KLHL31: variants seen among roughly 807,000 people sequenced by gnomAD.
The protein encoded by KLHL31 is kelch like family member 31.
Under a neutral mutation model 47.1 loss-of-function variants are expected in KLHL31, and 32 were observed. The observed-to-expected ratio is 0.68, with a 90% CI of 0.51 to 0.91. KLHL31 has a LOEUF of 0.91. Ranked by LOEUF, KLHL31 falls within the 40% of genes least tolerant of loss-of-function variation. The pLI is 0.00. For synonymous variants in KLHL31, 330 were observed against 325.1 expected, an observed-to-expected ratio of 1.01 and a Z score of -0.16; for missense variants, 797 against 819.3, an observed-to-expected ratio of 0.97 and a Z score of 0.33.
chr6:53,652,236 C>T lies in KLHL31; in HGVS notation c.1267G>A (p.Ala423Thr). 1 of 1,613,930 alleles carries T rather than the reference C, an allele frequency of 6.2e-7. No individual in the cohort carries two copies. Among genetic ancestry groups the T allele is most frequent in the Non-Finnish European group, 8.5e-7 (1 of 1,180,032 alleles). Residue 423 changes from alanine (A) to threonine (T), a missense_variant, in exon 3 of 3, where the codon GCC (alanine) becomes ACC (threonine). By Grantham distance (58) the Ala-to-Thr change is moderately conservative. Transcript: ENST00000370905. ...CCTTCTGCGTTGCGGCCGCCCGCGG[C>T]GTACACGAGCCCGTTGAACACGCTC... is the stretch of plus-strand genomic sequence containing the variant. Reference protein sequence around the residue: ...SLSVFNGLVYAAGGRNAEGSL... With the variant: ...SLSVFNGLVYTAGGRNAEGSL...
At position 53,663,895 on chromosome 6, in the gene KLHL31, G is replaced by A. The variant is rs74786300; in HGVS notation, c.-34+1706C>T. Among the ~76,000 whole-genome samples, 1,496 of 152,244 alleles carry A rather than the reference G, an allele frequency of 9.8e-3. 25 individuals are homozygous for A. Among genetic ancestry groups the A allele is most frequent in the African/African-American group, 0.034 (1,419 of 41,546 alleles). The stretch of plus-strand genomic sequence containing the variant: ...CCACTTGATAGACCTATAGCAGAAC[G>A]TCCAACCTATCAGGATTTCAGTATA... On this transcript the variant is annotated intron_variant, in intron 1 of 2. Transcript: ENST00000370905.
Position 53,662,967 on chromosome 6 carries a change from C to A in KLHL31, c.-34+2634G>T, listed in dbSNP as rs35625439. Reference sequence around the variant, plus strand: ...GATCGAGGGTGTACTATGTGCTGGGCCCTGGGTTAAGCACTTTACATCATT... The same window carrying A: ...GATCGAGGGTGTACTATGTGCTGGGACCTGGGTTAAGCACTTTACATCATT... On this transcript the variant is annotated intron_variant, in intron 1 of 2. Transcript: ENST00000370905. Among the ~76,000 whole-genome samples the A allele has an allele frequency of 1.7e-3, 252 of 150,952 alleles. 1 individual carries two copies. The highest frequency in any genetic ancestry group is 2.7e-3 in the Non-Finnish European group (182 of 68,010).
rs1328122422 is a variant in KLHL31, at chr6:53,652,312, G to C, written c.1191C>G (p.Asn397Lys). The change falls in exon 3 of 3, where the codon AAC becomes AAG. Residue 397 changes from asparagine (N) to lysine (K), a missense_variant. Transcript: ENST00000370905. ...TCATGCTGGCCAGGTGTATCCAGGT[G>C]TTGAAGCGGGGATCGTATCTGGAAA... ...SNFCRYDPRFNTWIHLASMNQ... is the reference protein window; with the variant it reads ...SNFCRYDPRFKTWIHLASMNQ... 2 of 1,613,970 alleles carry C rather than the reference G, an allele frequency of 1.2e-6. No homozygotes were observed. Among genetic ancestry groups the C allele is most frequent in the African/African-American group, 2.7e-5 (2 of 74,952 alleles).
chr6:53,651,505 T>C lies in KLHL31; in HGVS notation c.*93A>G. ...TACAATACAATCAGTGTAGTAAATGTTAAATATTTTCCTTTTCGCGAACTC... is the reference window on the plus strand; with the variant it reads ...TACAATACAATCAGTGTAGTAAATGCTAAATATTTTCCTTTTCGCGAACTC... On this transcript the variant is annotated 3_prime_UTR_variant, in exon 3 of 3. Transcript: ENST00000370905. 1 of 1,379,982 alleles carries C rather than the reference T, an allele frequency of 7.2e-7. No homozygotes were observed. Among genetic ancestry groups the C allele is most frequent in the Admixed American group, 2.1e-5 (1 of 47,552 alleles). 85.5% of individuals were successfully genotyped at this position (1,379,982 alleles called of 1,614,324 possible).
rs6908377 is a variant in KLHL31 at position 53,655,241 on chromosome 6, T to C, written c.32A>G (p.Asn11Ser). The change falls in exon 2 of 3, where the codon AAC becomes AGC. Residue 11 changes from asparagine (N) to serine (S), a missense_variant. By Grantham distance (46) the Asn-to-Ser change is conservative. Coordinates refer to ENST00000370905, the MANE Select transcript of KLHL31 (RefSeq NM_001003760.5). ...AGTCATCTCATTGATATCTCCTTTG[T>C]TCTTTTTGACAATCTTCTTTTTGGG... MAPKKKIVKK[N>S]KGDINEMTII... The C allele has an allele frequency of 2.8e-3, 4,367 of 1,584,182 alleles. 112 individuals carry two copies. The African/African-American group carries it at 0.052, about 19-fold the overall frequency.
chr6:53,658,750 T>C (rs1764606413), intron 1 of KLHL31, among the ~76,000 whole-genome samples: 1 of 152,226 alleles, frequency 6.6e-6, no homozygotes, highest in African/African-American at 2.4e-5. Context: ...AGGAAAGCCA[T>C]TTAATTTTCA....
At chr6:53,661,248 T>C (rs1399666958) in intron 1 of KLHL31, among the ~76,000 whole-genome samples, 1 of 152,150 alleles carries the variant, frequency 6.6e-6, no homozygotes, top group Non-Finnish European at 1.5e-5. Flanking sequence ...CCAGGCCCTG[T>C]TACAGAAAAG....
intron 2 of KLHL31, among the ~76,000 whole-genome samples, chr6:53,652,850 C>A (rs188722824): frequency 2.8e-4 from 42 of 152,188 alleles, no homozygotes; most frequent in Non-Finnish European, 4.7e-4. Context: ...TTCTCACAAA[C>A]CCCTTAATCC....
chr6:53,651,859 C>G lies in KLHL31; in HGVS notation c.1644G>C (p.Ala548=). 1 of 1,603,980 alleles carries G rather than the reference C, an allele frequency of 6.2e-7. No homozygotes were observed. The highest frequency in any genetic ancestry group is 1.1e-5 in the South Asian group (1 of 90,788). ...YSPATGQWSY[A]APLQVGVSTA... is the part of the protein sequence containing the mutation. The stretch of plus-strand genomic sequence containing the variant: ...TGCTCACTCCCACCTGCAGCGGCGC[C>G]GCGTAGCTCCACTGGCCGGTCGCGG... The change falls in exon 3 of 3, where the codon GCG becomes GCC. Residue 548 remains alanine, a synonymous_variant. Coordinates refer to ENST00000370905, the MANE Select transcript of KLHL31 (RefSeq NM_001003760.5).
intron 1 of KLHL31, 25 bp from the exon 2 acceptor site, chr6:53,655,330 G>T: frequency 1.7e-6 from 2 of 1,210,680 alleles, no homozygotes; most frequent in Non-Finnish European, 2.3e-6. Context: ...AAAAAAACAT[G>T]GTTTTGTTTT....
rs1764434690 is a variant in KLHL31, at chr6:53,649,279, GAAATTCTGACAT to G, written c.*2307_*2318del. ...TACTCCTCGCCAATGTGTTATGTCA[GAAATTCTGACAT>G]TCCAAATTCATATTGGTCTTTATTT... On this transcript the variant is annotated 3_prime_UTR_variant, in exon 3 of 3. Coordinates refer to ENST00000370905, the MANE Select transcript of KLHL31 (RefSeq NM_001003760.5). The G allele has an allele frequency of 6.6e-6, 1 of 152,110 alleles. No homozygotes were observed. Among genetic ancestry groups the G allele is most frequent in the South Asian group, 2.1e-4 (1 of 4,828 alleles). 9.4% of individuals were successfully genotyped at this position (152,110 alleles called of 1,614,324 possible).
rs1340617902 is a variant in KLHL31, at chr6:53,648,160, T to C, written c.*3438A>G. On this transcript the variant is annotated 3_prime_UTR_variant, in exon 3 of 3. Transcript: ENST00000370905. Reference sequence around the variant, plus strand: ...CCCAGTGAATGTGCTGGAGGGTAAATCTTTAATATTTTAGATTGTTTAATT... The same window carrying C: ...CCCAGTGAATGTGCTGGAGGGTAAACCTTTAATATTTTAGATTGTTTAATT... 1 of 152,662 alleles carries C rather than the reference T, an allele frequency of 6.6e-6. No homozygotes were observed. Among genetic ancestry groups the C allele is most frequent in the Non-Finnish European group, 1.5e-5 (1 of 68,038 alleles). The allele number at this position is 152,662 out of a possible 1,614,324, so 9.5% of individuals were successfully genotyped here. A position where few individuals can be genotyped will look rare whatever the true frequency, so the allele number is the denominator to read the frequency against.
chr6:53,652,114 G>C lies in KLHL31; in HGVS notation c.1389C>G (p.Val463=), dbSNP rs761430836. ...CGGTCACCAGCACGCGGCCGTCGGCGACCGCGCTAGCGTGGCAGCAGCGCG... is the reference window on the plus strand; with the variant it reads ...CGGTCACCAGCACGCGGCCGTCGGCCACCGCGCTAGCGTGGCAGCAGCGCG... The part of the protein sequence containing the change: ...EVARCCHASA[V]ADGRVLVTGG... Residue 463 remains valine (V), a synonymous_variant, in exon 3 of 3, where the codon GTC becomes GTG. Coordinates refer to ENST00000370905, the MANE Select transcript of KLHL31 (RefSeq NM_001003760.5). The C allele has an allele frequency of 6.2e-7, 1 of 1,600,960 alleles. No homozygotes were observed. Among genetic ancestry groups the C allele is most frequent in the Non-Finnish European group, 8.5e-7 (1 of 1,178,128 alleles).
intron 1 of KLHL31, among the ~76,000 whole-genome samples, chr6:53,655,700 G>C (rs1307854578): frequency 6.6e-6 from 1 of 151,270 alleles, no homozygotes; most frequent in Non-Finnish European, 1.5e-5. Context: ...TCTGCCTCCC[G>C]GGTTCAAGCT....
At chr6:53,664,744 A>G (rs1764694763) in intron 1 of KLHL31, among the ~76,000 whole-genome samples, 1 of 152,226 alleles carries the variant, frequency 6.6e-6, no homozygotes, top group Non-Finnish European at 1.5e-5. Context: ...CTCTCATGCC[A>G]GTATGAACTG....
At chr6:53,659,660 G>A (rs1009998015) in intron 1 of KLHL31, among the ~76,000 whole-genome samples, 8 of 152,180 alleles carry the variant, frequency 5.3e-5, no homozygotes, top group African/African-American at 1.9e-4. Flanking sequence ...CCTGTCACAT[G>A]CATTCAGAGA....
chr6:53,660,872 G>A (rs954437236), intron 1 of KLHL31, among the ~76,000 whole-genome samples: 4 of 152,144 alleles, frequency 2.6e-5, no homozygotes, highest in Admixed American at 1.3e-4. Context: ...TCTTGTGGCC[G>A]AATTTTCCTA....
In KLHL31 at chr6:53,650,829, G is replaced by T. The variant is rs544410786; in HGVS notation, c.*769C>A. 1 of 152,190 alleles carries T rather than the reference G, an allele frequency of 6.6e-6. No homozygotes were observed. The highest frequency in any genetic ancestry group is 2.1e-4 in the South Asian group (1 of 4,806). 9.4% of individuals were successfully genotyped at this position (152,190 alleles called of 1,614,324 possible). On this transcript the variant is annotated 3_prime_UTR_variant, in exon 3 of 3. Coordinates refer to ENST00000370905, the MANE Select transcript of KLHL31 (RefSeq NM_001003760.5). Reference sequence around the variant, plus strand: ...ATCCTTCTAGTTGAAACAACCAAATGACTTAAATTTATGCTATAAATTAAA... The same window carrying T: ...ATCCTTCTAGTTGAAACAACCAAATTACTTAAATTTATGCTATAAATTAAA...
Position 53,654,809 on chromosome 6 carries a change from A to C in KLHL31, c.464T>G (p.Leu155Arg). 6.2e-7 allele frequency: 1 copy of C among 1,614,080 alleles called. No individual in the cohort carries two copies. Among genetic ancestry groups the C allele is most frequent in the Non-Finnish European group, 8.5e-7 (1 of 1,179,986 alleles). Reference sequence around the variant, plus strand: ...CAGAAAATCACTGCACATCTTTACAAGAGTATGGATCTGAAGATAAACAGC... The same window carrying C: ...CAGAAAATCACTGCACATCTTTACACGAGTATGGATCTGAAGATAAACAGC... ...SAAVYLQIHT[L>R]VKMCSDFLIR... The change falls in exon 2 of 3, where the codon CTT becomes CGT. Residue 155 changes from leucine to arginine, a missense_variant. Leu to Arg is a moderately radical substitution (Grantham distance 102, BLOSUM62 -2). Transcript: ENST00000370905.
Sources: gnomAD v4.1 joint callset for allele counts (sites outside exome capture counted in the v4.1 genomes callset) on GRCh38, gnomAD v4.1.1 for gene constraint, MANE v1.5 for transcripts, NCBI Gene and HGNC (gene_info 2026-07-23, HGNC 2026-07-21) for gene names.